The following ZNF608 variants were observed in gnomAD, a reference collection of about 807,000 sequenced individuals.
ZNF608 encodes renal carcinoma antigen NY-REN-36.
Under a neutral mutation model 109.0 loss-of-function variants are expected in ZNF608, and 12 were observed. The observed-to-expected ratio is 0.11, with a 90% CI of 0.07 to 0.18. The LOEUF (loss-of-function observed/expected upper bound fraction) is 0.18, where lower values mean the gene tolerates loss of function less well. ZNF608 is among the 10% of genes least tolerant of loss of function. The probability of loss-of-function intolerance (pLI) is 1.00; values close to 1 mark genes in which losing one functional copy is unlikely to be tolerated. For missense variants in ZNF608, 1,707 were observed against 1,879.3 expected (o/e 0.91, Z 1.70); for synonymous variants, 732 against 717.4 (o/e 1.02, Z -0.33).
chr5:124,734,891 T>C (rs940542131), intron 2 of ZNF608: 4 of 152,214 alleles, frequency 2.6e-5, no homozygotes, highest in Admixed American at 6.5e-5. Context: ...CTTGTTTTAT[T>C]TTAGAAATAC....
chr5:124,685,770 A>C (rs1752387417), intron 3 of ZNF608, among the ~76,000 whole-genome samples: 1 of 152,192 alleles, frequency 6.6e-6, no homozygotes, highest in Non-Finnish European at 1.5e-5. Context: ...TAGAACAACT[A>C]GATCCCTCCC....
intron 2 of ZNF608, among the ~76,000 whole-genome samples, chr5:124,733,800 C>T (rs950505339): frequency 3.2e-4 from 48 of 152,010 alleles, no homozygotes; most frequent in African/African-American, 9.9e-4. Flanking sequence ...AAGAGCACTC[C>T]GACTTCTTTT....
intron 3 of ZNF608, among the ~76,000 whole-genome samples, chr5:124,699,968 T>C (rs1219867951): frequency 4.0e-5 from 6 of 149,388 alleles, no homozygotes; most frequent in Non-Finnish European, 7.4e-5. Context: ...TGATGAATAA[T>C]TGTGAGTCTC....
chr5:124,656,980 A>G (rs1030153722), intron 3 of ZNF608, among the ~76,000 whole-genome samples: 5 of 152,088 alleles, frequency 3.3e-5, no homozygotes, highest in African/African-American at 7.2e-5. Flanking sequence ...TTGATTTGGG[A>G]AAATCATTGA....
At chr5:124,717,869 G>A (rs1580688089) in intron 2 of ZNF608, among the ~76,000 whole-genome samples, 1 of 152,192 alleles carries the variant, frequency 6.6e-6, no homozygotes, top group Non-Finnish European at 1.5e-5. Flanking sequence ...TCTGTGGCCA[G>A]GCAAGTGTCC....
chr5:124,702,501 GT>G (rs11427187), intron 2 of ZNF608, among the ~76,000 whole-genome samples: 18 of 147,562 alleles, frequency 1.2e-4, no homozygotes, highest in Admixed American at 6.0e-4. Flanking sequence ...TTGGGTTTTG[GT>G]TTTTTTTTTT....
chr5:124,662,888 A>G (rs1477843328), intron 3 of ZNF608, among the ~76,000 whole-genome samples: 1 of 152,188 alleles, frequency 6.6e-6, no homozygotes, highest in Non-Finnish European at 1.5e-5. Flanking sequence ...CTGAACCAGT[A>G]AATCTAATAC....
At chr5:124,673,055 A>G (rs1317022108) in intron 3 of ZNF608, among the ~76,000 whole-genome samples, 4 of 152,196 alleles carry the variant, frequency 2.6e-5, no homozygotes, top group African/African-American at 9.7e-5. Context: ...GACTGGGTAC[A>G]TGCAATTAAT....
intron 2 of ZNF608, among the ~76,000 whole-genome samples, chr5:124,725,253 C>G (rs1463190407): frequency 2.6e-5 from 4 of 151,890 alleles, no homozygotes; most frequent in Non-Finnish European, 5.9e-5. Flanking sequence ...GCTTGATTCT[C>G]CCTTATAGCA....
intron 2 of ZNF608, among the ~76,000 whole-genome samples, chr5:124,739,421 C>G (rs771545209): frequency 7.2e-5 from 11 of 152,224 alleles, no homozygotes; most frequent in Non-Finnish European, 1.3e-4. Context: ...CAATATCACA[C>G]ACAATTAGAT....
intron 4 of ZNF608, 83 bp from the exon 5 acceptor site, chr5:124,649,216 G>A: frequency 8.5e-7 from 1 of 1,178,524 alleles, no homozygotes; most frequent in Non-Finnish European, 1.2e-6. Context: ...GCAGTAAAGA[G>A]GAGTCAACAC....
At chr5:124,705,322 G>A (rs1753215473) in intron 2 of ZNF608, among the ~76,000 whole-genome samples, 1 of 152,166 alleles carries the variant, frequency 6.6e-6, no homozygotes, top group Non-Finnish European at 1.5e-5. Context: ...TTCAAATGCT[G>A]ACCCTGTCAG....
chr5:124,702,016 C>T (rs1285593439), intron 2 of ZNF608, among the ~76,000 whole-genome samples: 1 of 152,198 alleles, frequency 6.6e-6, no homozygotes, highest in Non-Finnish European at 1.5e-5. Flanking sequence ...TCTCTAAATA[C>T]AGGAAATGTA....
In ZNF608 at chr5:124,648,001, T is replaced by C. The variant is rs754340542; in HGVS notation, c.2383A>G (p.Met795Val). The C allele has an allele frequency of 1.2e-6, 2 of 1,614,236 alleles. No homozygotes were observed. The highest frequency in any genetic ancestry group is 1.1e-5 in the South Asian group (1 of 91,078). The change falls in exon 5 of 10, where the codon ATG becomes GTG. Residue 795 changes from methionine to valine, a missense_variant. Around this residue, in one of 7 missense-constraint regions of ZNF608, gnomAD observed 1,073 missense variants for 1,133.5 expected, o/e 0.95. Transcript: ENST00000513986. ...GGGTTCACGGTGATGGGCTCTCCCATAATTGTGGGCTTTGGTTGAATGGGT... is the reference window on the plus strand; with the variant it reads ...GGGTTCACGGTGATGGGCTCTCCCACAATTGTGGGCTTTGGTTGAATGGGT... ...LKPIQPKPTI[M>V]GEPITVNPAL...
chr5:124,739,327 A>C (rs1246421049), intron 2 of ZNF608, among the ~76,000 whole-genome samples: 3 of 152,218 alleles, frequency 2.0e-5, no homozygotes, highest in African/African-American at 4.8e-5. Flanking sequence ...CTTCCTTAAA[A>C]GGATATTTTC....
chr5:124,723,385 G>C (rs1034568628), intron 2 of ZNF608, among the ~76,000 whole-genome samples: 4 of 152,046 alleles, frequency 2.6e-5, no homozygotes, highest in African/African-American at 9.7e-5. Context: ...CTTACTCCAA[G>C]GTTAATAAAT....
intron 2 of ZNF608, among the ~76,000 whole-genome samples, chr5:124,736,368 G>A (rs756300391): frequency 2.0e-4 from 31 of 152,146 alleles, no homozygotes; most frequent in Non-Finnish European, 4.0e-4. Flanking sequence ...TTTTTAACAT[G>A]AGCCATCCAT....
intron 3 of ZNF608, among the ~76,000 whole-genome samples, chr5:124,690,926 C>CAT (rs1428117788): frequency 4.6e-5 from 3 of 65,840 alleles, no homozygotes; most frequent in African/African-American, 1.8e-4. Flanking sequence ...AACAGAAAAA[C>CAT]ACACACACAC....
rs116669705 is a variant in ZNF608, at chr5:124,650,423, G to A, written c.1163-726C>T. ...ATTTACTCTTGGGGTTATCTTTGGA[G>A]TCAACTTTGGTACGCATTTGCCTCA... On this transcript the variant is annotated intron_variant, in intron 3 of 9. Transcript: ENST00000513986. 6.6e-3 allele frequency among the ~76,000 whole-genome samples: 1,007 copies of A among 152,294 alleles called. 10 individuals are homozygous for A. Among genetic ancestry groups the A allele is most frequent in the African/African-American group, 0.022 (904 of 41,552 alleles).
Sources: gnomAD v4.1 joint callset for allele counts (sites outside exome capture counted in the v4.1 genomes callset) on GRCh38, gnomAD v4.1.1 for gene constraint, gnomAD v4.1.1 regional missense constraint, MANE v1.5 for transcripts, NCBI Gene and HGNC (gene_info 2026-07-23, HGNC 2026-07-21) for gene names.